The following PTGES2 variants were observed in gnomAD, a reference collection of about 807,000 sequenced individuals.
PTGES2 encodes GATE-binding factor 1.
In PTGES2, 35 loss-of-function variants were observed where a neutral mutation model predicts 44.5. The observed-to-expected ratio is 0.79, with a 90% CI of 0.60 to 1.04. The LOEUF (loss-of-function observed/expected upper bound fraction) is 1.04, where lower values mean the gene tolerates loss of function less well. Among genes scored for constraint, PTGES2 ranks in the 50% least tolerant of loss-of-function variants. The pLI, the probability that PTGES2 is intolerant of heterozygous loss-of-function variation, is 0.00. For synonymous variants in PTGES2, 221 were observed against 227.5 expected, an observed-to-expected ratio of 0.97 and a Z score of 0.26; for missense variants, 517 against 521.4, an observed-to-expected ratio of 0.99 and a Z score of 0.08.
upstream of PTGES2, chr9:128,127,963 T>C (rs901687389): frequency 8.9e-6 from 4 of 449,154 alleles, no homozygotes; most frequent in Admixed American, 4.1e-5. Context: ...CAAAGGCTCT[T>C]GGGTAGTGAC....
chr9:128,122,466 C>T lies in PTGES2; in HGVS notation c.901G>A (p.Asp301Asn). 12 of 1,614,066 alleles carry T rather than the reference C, an allele frequency of 7.4e-6. No individual in the cohort carries two copies. The highest frequency in any genetic ancestry group is 1.0e-5 in the Non-Finnish European group (12 of 1,179,992). ...TCATAGAGGTCCTCGCGCACGTTGT[C>T]CTGGAGGCGGTGCCTGGGCGGGGAA... ...KRLKSRHRLQ[D>N]NVREDLYEAA... Residue 301 changes from aspartate (D) to asparagine (N), a missense_variant, in exon 6 of 7, where the codon GAC (aspartate) becomes AAC (asparagine). By Grantham distance (23) the Asp-to-Asn change is conservative. Transcript: ENST00000338961.
chr9:128,127,191 CAAAA>C (rs59234287), intron 1 of PTGES2, among the ~76,000 whole-genome samples: 17 of 24,504 alleles, frequency 6.9e-4, no homozygotes, highest in East Asian at 1.7e-3. Flanking sequence ...ATAAACAAAC[CAAAA>C]AAAAAAAAAA....
chr9:128,121,375 C>A, intron 6 of PTGES2, 102 bp from the exon 7 acceptor site: 2 of 1,441,628 alleles, frequency 1.4e-6, no homozygotes, highest in East Asian at 2.5e-5. Flanking sequence ...CCCCTCCCCC[C>A]TTGGAGCTCG....
At chr9:128,127,764 G>A (rs1369913770), upstream of PTGES2, 9 of 1,242,436 alleles carry the variant, frequency 7.2e-6, no homozygotes, top group South Asian at 3.2e-5. Context: ...CGAAGACGCC[G>A]AGGCACGCGC....
At position 128,127,478 on chromosome 9, in the gene PTGES2, CA is replaced by C; in HGVS notation, c.239del (p.Leu80ArgfsTer23). ...GCTCTGCGTGGAGGTCCTGGGCGCGCAGGTGCCACCGCGCCGTGTGGTACAG... is the reference window on the plus strand; with the variant it reads ...GCTCTGCGTGGAGGTCCTGGGCGCGCGGTGCCACCGCGCCGTGTGGTACAG... ...LGLYHTARWH[L>X]RAQDLHAERS... On this transcript the variant is annotated frameshift_variant, in exon 1 of 7. Coordinates refer to ENST00000338961, the MANE Select transcript of PTGES2 (RefSeq NM_025072.7). LOFTEE classifies it high-confidence loss of function. The C allele has an allele frequency of 7.1e-7, 1 of 1,402,458 alleles. No homozygotes were observed. The allele number at this position is 1,402,458 out of a possible 1,614,324, so 86.9% of individuals were successfully genotyped here. A position where few individuals can be genotyped will look rare whatever the true frequency, so the allele number is the denominator to read the frequency against.
In PTGES2 at chr9:128,120,799, T is replaced by A. The variant is rs548360644; in HGVS notation, c.*346A>T. 3.5e-4 allele frequency: 89 copies of A among 252,860 alleles called. No homozygotes were observed. The highest frequency in any genetic ancestry group is 1.8e-3 in the African/African-American group (82 of 44,518). 15.7% of individuals were successfully genotyped at this position (252,860 alleles called of 1,614,324 possible). ...AGTGGGAACCAGGGGAACCCAGGGA[T>A]GGGATTCCACTGAAAACAAACCGTC... On this transcript the variant is annotated 3_prime_UTR_variant, in exon 7 of 7. Transcript: ENST00000338961.
At position 128,127,464 on chromosome 9, in the gene PTGES2, A is replaced by C; in HGVS notation, c.254T>G (p.Leu85Arg). ...TARWHLRAQDLHAERSAAQLS... is the reference protein window; with the variant it reads ...TARWHLRAQDRHAERSAAQLS... ...CTGCGCGGCTGAGCGCTCTGCGTGGAGGTCCTGGGCGCGCAGGTGCCACCG... is the reference window on the plus strand; with the variant it reads ...CTGCGCGGCTGAGCGCTCTGCGTGGCGGTCCTGGGCGCGCAGGTGCCACCG... Residue 85 changes from leucine to arginine, a missense_variant, in exon 1 of 7, where the codon CTC (leucine) becomes CGC (arginine). By Grantham distance (102) the Leu-to-Arg change is moderately radical. Transcript: ENST00000338961. 7.2e-7 allele frequency: 1 copy of C among 1,398,158 alleles called. No homozygotes were observed. The highest frequency in any genetic ancestry group is 1.6e-5 in the South Asian group (1 of 60,944). The allele number at this position is 1,398,158 out of a possible 1,614,324, so 86.6% of individuals were successfully genotyped here. A position where few individuals can be genotyped will look rare whatever the true frequency, so the allele number is the denominator to read the frequency against.
chr9:128,123,591 C>T lies in PTGES2; in HGVS notation c.686+111G>A, dbSNP rs1834505479. 9.3e-6 allele frequency: 11 copies of T among 1,185,234 alleles called. No homozygotes were observed. The highest frequency in any genetic ancestry group is 4.4e-5 in the South Asian group (3 of 67,698). The allele number at this position is 1,185,234 out of a possible 1,614,324, so 73.4% of individuals were successfully genotyped here. Reference sequence around the variant, plus strand: ...ATCCGGCATGGCCCGGCCCCAGCCCCGCTGGTCTCCCATGCTGCTCCCTGC... The same window carrying T: ...ATCCGGCATGGCCCGGCCCCAGCCCTGCTGGTCTCCCATGCTGCTCCCTGC... On this transcript the variant is annotated intron_variant, in intron 4 of 6. Coordinates refer to ENST00000338961, the MANE Select transcript of PTGES2 (RefSeq NM_025072.7). The surrounding 1 kb of genome is among the most constrained non-coding windows in gnomAD (Gnocchi z 4.4).
chr9:128,121,293 G>GT lies in PTGES2; in HGVS notation c.1006-21dup. 1 of 1,600,024 alleles carries GT rather than the reference G, an allele frequency of 6.2e-7. No homozygotes were observed. The highest frequency in any genetic ancestry group is 8.5e-7 in the Non-Finnish European group (1 of 1,170,100). ...CACCGCCTGGGGCACGAACAGAAAC[G>GT]TGTCACCATAGCTGGTTTGACAGGC... On this transcript the variant is annotated intron_variant, in intron 6 of 6. Transcript: ENST00000338961.
chr9:128,123,197 C>A lies in PTGES2; in HGVS notation c.687-63G>T. The A allele has an allele frequency of 6.6e-7, 1 of 1,509,552 alleles. No individual in the cohort carries two copies. The highest frequency in any genetic ancestry group is 1.1e-5 in the South Asian group (1 of 87,874). The allele number at this position is 1,509,552 out of a possible 1,614,324, so 93.5% of individuals were successfully genotyped here. A position where few individuals can be genotyped will look rare whatever the true frequency, so the allele number is the denominator to read the frequency against. Reference sequence around the variant, plus strand: ...GGCTGTGTTGGGAGCAGGCTGCATTCTCTAGAACATACCCACTGCACGGGC... The same window carrying A: ...GGCTGTGTTGGGAGCAGGCTGCATTATCTAGAACATACCCACTGCACGGGC... On this transcript the variant is annotated intron_variant, in intron 4 of 6. Coordinates refer to ENST00000338961, the MANE Select transcript of PTGES2 (RefSeq NM_025072.7). The surrounding 1 kb of genome is among the most constrained non-coding windows in gnomAD (Gnocchi z 4.4).
chr9:128,121,123 C>T lies in PTGES2; in HGVS notation c.*22G>A. The T allele has an allele frequency of 6.4e-7, 1 of 1,570,740 alleles. No individual in the cohort carries two copies. The highest frequency in any genetic ancestry group is 8.6e-7 in the Non-Finnish European group (1 of 1,158,594). ...GCAGCTGGCGTCTTCCGCTGCCTTC[C>T]CTCTGCTCTGCGCGGGGACATTCAG... is the stretch of plus-strand genomic sequence containing the variant. On this transcript the variant is annotated 3_prime_UTR_variant, in exon 7 of 7. Transcript: ENST00000338961.
In PTGES2 at chr9:128,123,572, C is replaced by T. The variant is rs2130850545; in HGVS notation, c.686+130G>A. 1.0e-6 allele frequency: 1 copy of T among 970,810 alleles called. No individual in the cohort carries two copies. The highest frequency in any genetic ancestry group is 1.5e-6 in the Non-Finnish European group (1 of 667,722). The allele number at this position is 970,810 out of a possible 1,614,324, so 60.1% of individuals were successfully genotyped here. On this transcript the variant is annotated intron_variant, in intron 4 of 6. Coordinates refer to ENST00000338961, the MANE Select transcript of PTGES2 (RefSeq NM_025072.7). This position sits in a 1 kb window ranked among gnomAD's most constrained non-coding sequence, Gnocchi z 4.4. ...CAGGAAGGTCTCTACTGAAATCCGGCATGGCCCGGCCCCAGCCCCGCTGGT... is the reference window on the plus strand; with the variant it reads ...CAGGAAGGTCTCTACTGAAATCCGGTATGGCCCGGCCCCAGCCCCGCTGGT...
chr9:128,125,277 C>A lies in PTGES2; in HGVS notation c.444G>T (p.Val148=). 6.2e-7 allele frequency: 1 copy of A among 1,607,010 alleles called. No homozygotes were observed. The highest frequency in any genetic ancestry group is 8.5e-7 in the Non-Finnish European group (1 of 1,176,672). ...AEIKFSSYRK[V]PILVAQEGES... ...CTCCTTCCTGGGCCACCAGGATGGGCACCTTTCTGTAGGAGGAGAACTTGA... is the reference window on the plus strand; with the variant it reads ...CTCCTTCCTGGGCCACCAGGATGGGAACCTTTCTGTAGGAGGAGAACTTGA... The change falls in exon 2 of 7, where the codon GTG becomes GTT. Residue 148 remains valine, a synonymous_variant. Coordinates refer to ENST00000338961, the MANE Select transcript of PTGES2 (RefSeq NM_025072.7).
chr9:128,125,508 G>C, intron 1 of PTGES2, 67 bp from the exon 2 acceptor site: 1 of 1,475,406 alleles, frequency 6.8e-7, no homozygotes. Flanking sequence ...GCCCCCAAGG[G>C]TGTTTTCCAG....
chr9:128,125,475 T>G, intron 1 of PTGES2, 34 bp from the exon 2 acceptor site: 1 of 1,607,598 alleles, frequency 6.2e-7, no homozygotes, highest in Non-Finnish European at 8.5e-7. Flanking sequence ...CTTCTAGACC[T>G]GGCACCCCCA....
intron 3 of PTGES2, 145 bp downstream of exon 3, chr9:128,124,347 G>A (rs1170408640): frequency 1.6e-6 from 1 of 626,798 alleles, no homozygotes; most frequent in South Asian, 2.0e-5. Flanking sequence ...GCCTCCCAAA[G>A]TGCTGGGATT....
intron 5 of PTGES2, 108 bp downstream of exon 5, chr9:128,122,826 C>G (rs1408425892): frequency 8.2e-7 from 1 of 1,219,724 alleles, no homozygotes; most frequent in Non-Finnish European, 1.2e-6. Flanking sequence ...CCCACCTGCC[C>G]TAGGCCTCGG....
Position 128,123,692 on chromosome 9 carries a change from C to CCCCAGA in PTGES2, c.686+9_686+10insTCTGGG, listed in dbSNP as rs769477831. ...CACCACCTTCCCCCGCCAGCCCCAG[C>CCCCAGA]CCCACTCACGTCCTGGCCTCCTTCC... On this transcript the variant is annotated intron_variant, in intron 4 of 6. Coordinates refer to ENST00000338961, the MANE Select transcript of PTGES2 (RefSeq NM_025072.7). This position sits in a 1 kb window ranked among gnomAD's most constrained non-coding sequence, Gnocchi z 4.4. 2 of 1,611,254 alleles carry CCCCAGA rather than the reference C, an allele frequency of 1.2e-6. No homozygotes were observed. Among genetic ancestry groups the CCCCAGA allele is most frequent in the Admixed American group, 3.3e-5 (2 of 59,952 alleles).
intron 6 of PTGES2, among the ~76,000 whole-genome samples, chr9:128,121,552 A>T (rs1050266837): frequency 6.6e-6 from 1 of 152,074 alleles, no homozygotes; most frequent in Non-Finnish European, 1.5e-5. Flanking sequence ...AGGTCCTGAG[A>T]TGGGGGAGAA....
Sources: allele counts gnomAD v4.1 joint callset (sites outside exome capture counted in the v4.1 genomes callset), GRCh38; gene constraint gnomAD v4.1.1; non-coding constraint Gnocchi (gnomAD v3.1); transcripts MANE v1.5; gene names NCBI Gene and HGNC (gene_info 2026-07-23, HGNC 2026-07-21).